PTPRK: variants seen among roughly 807,000 people sequenced by gnomAD.
PTPRK encodes the protein protein tyrosine phosphatase receptor type K.
Under a neutral mutation model 178.0 loss-of-function variants are expected in PTPRK, and 75 were observed. That is an observed-to-expected ratio of 0.42 (90% CI 0.35 to 0.51). The LOEUF is 0.51. Among genes scored for constraint, PTPRK ranks in the 20% least tolerant of loss-of-function variants. The pLI, the probability that PTPRK is intolerant of heterozygous loss-of-function variation, is 0.02. For synonymous variants in PTPRK, 637 were observed against 620.6 expected (o/e 1.03, Z -0.39); for missense variants, 1,441 against 1,797.8 (o/e 0.80, Z 3.59).
intron 2 of PTPRK, among the ~76,000 whole-genome samples, chr6:128,375,264 T>A (rs184573693): frequency 2.0e-4 from 30 of 151,930 alleles, no homozygotes; most frequent in African/African-American, 7.0e-4. Context: ...GGGTAAATTA[T>A]GCAGGAAAAG....
At chr6:128,237,352 G>T (rs1813481649) in intron 5 of PTPRK, among the ~76,000 whole-genome samples, 1 of 152,150 alleles carries the variant, frequency 6.6e-6, no homozygotes, top group Non-Finnish European at 1.5e-5. Flanking sequence ...TGGATAGACT[G>T]CAGTGACCTT....
chr6:128,317,843 A>C (rs1350011888), intron 3 of PTPRK, among the ~76,000 whole-genome samples: 1 of 152,250 alleles, frequency 6.6e-6, no homozygotes, highest in South Asian at 2.1e-4. Context: ...ATTGACCAGA[A>C]CTGTGTCGCA....
At chr6:128,241,604 C>T (rs1321954733) in intron 4 of PTPRK, among the ~76,000 whole-genome samples, 1 of 152,154 alleles carries the variant, frequency 6.6e-6, no homozygotes. Context: ...TAGGCAAAGT[C>T]TGAATTTATG....
intron 1 of PTPRK, chr6:128,501,211 C>T (rs983570515): frequency 1.3e-5 from 2 of 152,088 alleles, no homozygotes; most frequent in Non-Finnish European, 2.9e-5. Flanking sequence ...GTTTGGAATG[C>T]TTCCAAATTC....
intron 3 of PTPRK, among the ~76,000 whole-genome samples, chr6:128,255,177 G>C (rs1319782164): frequency 6.6e-6 from 1 of 152,112 alleles, no homozygotes; most frequent in African/African-American, 2.4e-5. Context: ...TTTTAGTAGA[G>C]ACGGGGTTTC....
chr6:128,095,764 T>A (rs1052642172), intron 7 of PTPRK, among the ~76,000 whole-genome samples: 1 of 152,212 alleles, frequency 6.6e-6, no homozygotes, highest in African/African-American at 2.4e-5. Flanking sequence ...TAAAATCCAG[T>A]GCTCTTCCAT....
At chr6:128,004,006 T>C (rs1462850149) in intron 15 of PTPRK, among the ~76,000 whole-genome samples, 1 of 151,882 alleles carries the variant, frequency 6.6e-6, no homozygotes, top group Non-Finnish European at 1.5e-5. Context: ...TTCTCCAAGC[T>C]GAACAATTCA....
intron 7 of PTPRK, among the ~76,000 whole-genome samples, chr6:128,146,087 C>A (rs182641501): frequency 6.6e-6 from 1 of 152,104 alleles, no homozygotes; most frequent in Non-Finnish European, 1.5e-5. Context: ...TAGAAGCAGC[C>A]CTTTCCCTAG....
chr6:128,487,755 C>T (rs1853167452), intron 1 of PTPRK, among the ~76,000 whole-genome samples: 1 of 152,108 alleles, frequency 6.6e-6, no homozygotes, highest in South Asian at 2.1e-4. Flanking sequence ...TCAGAAGACT[C>T]CCAGGTCACA....
At chr6:128,005,939 A>C in intron 14 of PTPRK, 1 of 1,071,652 alleles carries the variant, frequency 9.3e-7, no homozygotes, top group South Asian at 2.2e-5. Flanking sequence ...AATGTCACCA[A>C]AATTGCAAGC....
chr6:128,036,605 C>A (rs1339165530), intron 13 of PTPRK, among the ~76,000 whole-genome samples: 2 of 151,848 alleles, frequency 1.3e-5, no homozygotes, highest in Non-Finnish European at 2.9e-5. Flanking sequence ...ACTTAATAAA[C>A]TAAAATACTG....
intron 5 of PTPRK, among the ~76,000 whole-genome samples, chr6:128,239,098 C>T (rs1813885983): frequency 6.7e-6 from 1 of 148,788 alleles, no homozygotes; most frequent in Non-Finnish European, 1.5e-5. Flanking sequence ...ATCATGATGC[C>T]TATGTTGAAG....
chr6:128,216,542 TAA>T (rs75802526), intron 6 of PTPRK, among the ~76,000 whole-genome samples: 955 of 84,222 alleles, frequency 0.011, 4 homozygotes, highest in African/African-American at 0.035. Flanking sequence ...CTCAGAAAAA[TAA>T]AAAAAAAAAA....
chr6:128,059,406 C>T (rs1780446559), intron 13 of PTPRK, among the ~76,000 whole-genome samples: 1 of 152,094 alleles, frequency 6.6e-6, no homozygotes, highest in Admixed American at 6.6e-5. Context: ...TTATAAATGA[C>T]AACATCTTAA....
At chr6:128,263,655 C>A (rs988951339) in intron 3 of PTPRK, among the ~76,000 whole-genome samples, 2 of 152,144 alleles carry the variant, frequency 1.3e-5, no homozygotes, top group Non-Finnish European at 1.5e-5. Context: ...TGATTAATCA[C>A]TTACATAATA....
At chr6:128,154,669 C>G (rs1429738454) in intron 7 of PTPRK, among the ~76,000 whole-genome samples, 2 of 150,922 alleles carry the variant, frequency 1.3e-5, no homozygotes, top group Non-Finnish European at 3.0e-5. Flanking sequence ...ATTACTTCAT[C>G]AAAGAGGAAA....
chr6:128,434,867 GA>G (rs542611041), intron 1 of PTPRK, among the ~76,000 whole-genome samples: 9 of 147,502 alleles, frequency 6.1e-5, no homozygotes, highest in East Asian at 5.9e-4. Context: ...AAAAAAATAA[GA>G]AAAAAAAAAG....
chr6:128,035,628 G>A (rs2114814730), intron 13 of PTPRK, among the ~76,000 whole-genome samples: 1 of 152,268 alleles, frequency 6.6e-6, no homozygotes, highest in East Asian at 1.9e-4. Context: ...ATTTGCTCAT[G>A]GAAGATTGAG....
At chr6:128,250,986 C>T (rs1207222044) in intron 3 of PTPRK, among the ~76,000 whole-genome samples, 7 of 152,244 alleles carry the variant, frequency 4.6e-5, no homozygotes, top group East Asian at 1.9e-4. Context: ...AGCTTCTCTT[C>T]GTCAGACCCC....
Sources: gnomAD v4.1 joint callset for allele counts (sites outside exome capture counted in the v4.1 genomes callset) on GRCh38, gnomAD v4.1.1 for gene constraint, MANE v1.5 for transcripts, NCBI Gene and HGNC (gene_info 2026-07-23, HGNC 2026-07-21) for gene names.